Variants in MARCHF10 observed in about 807,000 individuals in gnomAD.
The protein encoded by MARCHF10 is membrane associated ring-CH-type finger 10.
In MARCHF10, 64 loss-of-function variants were observed where a neutral mutation model predicts 76.2. The ratio of observed to expected loss-of-function variants is 0.84; its 90% CI spans 0.69 to 1.03. MARCHF10 has a LOEUF of 1.03. Ranked by LOEUF, MARCHF10 falls within the 50% of genes least tolerant of loss-of-function variation. The pLI, the probability that MARCHF10 is intolerant of heterozygous loss-of-function variation, is 0.00. For synonymous variants in MARCHF10, 340 were observed against 357.5 expected, an observed-to-expected ratio of 0.95 and a Z score of 0.55; for missense variants, 875 against 958.0, an observed-to-expected ratio of 0.91 and a Z score of 1.14.
intron 7 of MARCHF10, among the ~76,000 whole-genome samples, chr17:62,723,897 T>C (rs2090622974): frequency 6.6e-6 from 1 of 152,116 alleles, no homozygotes; most frequent in Non-Finnish European, 1.5e-5. Flanking sequence ...GCTAGGGAAG[T>C]TGCATAAAAC....
intron 3 of MARCHF10, among the ~76,000 whole-genome samples, chr17:62,765,409 T>G (rs1165252497): frequency 6.7e-6 from 1 of 148,920 alleles, no homozygotes. Flanking sequence ...GGCTGCCAGA[T>G]TGCCTAAATA....
intron 3 of MARCHF10, among the ~76,000 whole-genome samples, chr17:62,787,401 T>C (rs143504792): frequency 1.6e-3 from 243 of 152,186 alleles, no homozygotes; most frequent in Admixed American, 3.5e-3. Flanking sequence ...ATCCATGCCA[T>C]TGATAGGAAA....
rs1240635266 is a variant in MARCHF10 at position 62,735,787 on chromosome 17, ACAATTTTCTCAAAATAAG to A, written c.1937+126_1937+143del. 5.9e-6 allele frequency: 4 copies of A among 674,720 alleles called. No homozygotes were observed. In the African/African-American group the frequency reaches 7.3e-5, roughly 12 times the overall value. 41.8% of individuals were successfully genotyped at this position (674,720 alleles called of 1,614,324 possible). ...ATATTTTAAGAGCAACAAAACAGAGACAATTTTCTCAAAATAAGCAACCACTAAAATGTCAAGGAAGGA... is the reference window on the plus strand; with the variant it reads ...ATATTTTAAGAGCAACAAAACAGAGACAACCACTAAAATGTCAAGGAAGGA... On this transcript the variant is annotated intron_variant, in intron 6 of 10. Transcript: ENST00000311269.
At chr17:62,706,928 G>A (rs1164018173) in intron 9 of MARCHF10, among the ~76,000 whole-genome samples, 1 of 152,196 alleles carries the variant, frequency 6.6e-6, no homozygotes, top group Non-Finnish European at 1.5e-5. Flanking sequence ...CTCAAAGGTG[G>A]GGTAAAGTGA....
intron 4 of MARCHF10, among the ~76,000 whole-genome samples, chr17:62,756,945 G>A (rs553114487): frequency 1.5e-4 from 23 of 152,326 alleles, no homozygotes; most frequent in African/African-American, 5.3e-4. Flanking sequence ...CTAACAGGAT[G>A]AAGAGCAATC....
At chr17:62,746,770 C>T (rs2091720100) in intron 4 of MARCHF10, 2 of 843,676 alleles carry the variant, frequency 2.4e-6, no homozygotes, top group Admixed American at 2.5e-5. Context: ...TGATTTCCAG[C>T]AGGAATCCCA....
Position 62,760,026 on chromosome 17 carries a change from T to A in MARCHF10, c.211-20A>T. On this transcript the variant is annotated intron_variant, in intron 3 of 10. Coordinates refer to ENST00000311269, the MANE Select transcript of MARCHF10 (RefSeq NM_152598.4). ...AGAACTCTACCAAAAATGAAATACG[T>A]CTGAGTCTCAGTGGCCAAGTAGGTC... 3 of 1,608,026 alleles carry A rather than the reference T, an allele frequency of 1.9e-6. No individual in the cohort carries two copies. The South Asian group carries it at 3.3e-5, about 18-fold the overall frequency.
chr17:62,744,968 C>T (rs1269086943), intron 4 of MARCHF10, among the ~76,000 whole-genome samples: 20 of 140,136 alleles, frequency 1.4e-4, no homozygotes, highest in Non-Finnish European at 2.8e-4. Context: ...GGTGCCACTG[C>T]ACTCCAGCCT....
chr17:62,760,088 T>C (rs150840368), intron 3 of MARCHF10, 82 bp from the exon 4 acceptor site: 17 of 1,133,794 alleles, frequency 1.5e-5, no homozygotes, highest in Non-Finnish European at 2.2e-5. Flanking sequence ...ATGAGGCAAA[T>C]GCAGTGACCC....
At chr17:62,802,035 G>A (rs1240768148) in intron 1 of MARCHF10, among the ~76,000 whole-genome samples, 1 of 152,094 alleles carries the variant, frequency 6.6e-6, no homozygotes, top group Non-Finnish European at 1.5e-5. Flanking sequence ...CACCTGATTC[G>A]GTTCTAGAGC....
chr17:62,777,887 C>T (rs184165679), intron 3 of MARCHF10, among the ~76,000 whole-genome samples: 7 of 152,240 alleles, frequency 4.6e-5, no homozygotes, highest in South Asian at 2.1e-4. Flanking sequence ...CTAACACCAC[C>T]GGCTTCCCCT....
intron 3 of MARCHF10, among the ~76,000 whole-genome samples, chr17:62,762,784 A>G (rs1238429316): frequency 6.6e-6 from 1 of 152,174 alleles, no homozygotes; most frequent in African/African-American, 2.4e-5. Flanking sequence ...GAGCTCAGGC[A>G]AGCCGCCCGC....
chr17:62,793,237 T>TCCA (rs573638272), intron 2 of MARCHF10, among the ~76,000 whole-genome samples: 1 of 42,508 alleles, frequency 2.4e-5, no homozygotes, highest in Admixed American at 2.7e-4. Context: ...CACCACCACC[T>TCCA]CCACCACCAC....
At chr17:62,807,126 C>A (rs1002719954) in intron 1 of MARCHF10, among the ~76,000 whole-genome samples, 1 of 152,176 alleles carries the variant, frequency 6.6e-6, no homozygotes, top group Non-Finnish European at 1.5e-5. Flanking sequence ...CCTTATTCAA[C>A]CTTTTCCCCA....
intron 3 of MARCHF10, among the ~76,000 whole-genome samples, chr17:62,778,766 G>A (rs1262489707): frequency 1.3e-5 from 2 of 152,026 alleles, no homozygotes; most frequent in Non-Finnish European, 2.9e-5. Flanking sequence ...TGAGGGAGAG[G>A]AGAGGAGACA....
intron 6 of MARCHF10, among the ~76,000 whole-genome samples, chr17:62,730,730 C>T (rs182666502): frequency 1.6e-3 from 244 of 152,174 alleles, no homozygotes; most frequent in Admixed American, 3.7e-3. Flanking sequence ...CCTGTCTCTA[C>T]TAAAAATACA....
intron 2 of MARCHF10, among the ~76,000 whole-genome samples, chr17:62,794,357 T>C (rs551437760): frequency 1.3e-5 from 2 of 152,230 alleles, no homozygotes; most frequent in Non-Finnish European, 2.9e-5. Context: ...CTCAATCCCA[T>C]TTCCTGGTTT....
chr17:62,803,080 A>G (rs987510053), intron 1 of MARCHF10, among the ~76,000 whole-genome samples: 1 of 152,120 alleles, frequency 6.6e-6, no homozygotes, highest in African/African-American at 2.4e-5. Flanking sequence ...TGAGCCCAGG[A>G]GTTTGAGATC....
intron 8 of MARCHF10, among the ~76,000 whole-genome samples, chr17:62,718,911 C>T (rs1171837211): frequency 2.0e-5 from 3 of 152,122 alleles, no homozygotes; most frequent in Non-Finnish European, 4.4e-5. Context: ...GATGCCTAAC[C>T]TCTGTAATGC....
Sources: gnomAD v4.1 joint callset for allele counts (sites outside exome capture counted in the v4.1 genomes callset) on GRCh38, gnomAD v4.1.1 for gene constraint, MANE v1.5 for transcripts, NCBI Gene and HGNC (gene_info 2026-07-23, HGNC 2026-07-21) for gene names.